AXDND1: variants seen among roughly 807,000 people sequenced by gnomAD.
AXDND1 encodes the protein axonemal dynein light chain domain containing 1.
AXDND1 carries 110 observed loss-of-function variants against 137.5 expected under a neutral mutation model. The observed-to-expected ratio is 0.80, with a 90% CI of 0.69 to 0.94. The LOEUF (loss-of-function observed/expected upper bound fraction) is 0.94, where lower values mean the gene tolerates loss of function less well. Ranked by LOEUF, AXDND1 falls within the 40% of genes least tolerant of loss-of-function variation. AXDND1 has a pLI of 0.00. For synonymous variants in AXDND1, 414 were observed against 399.7 expected (o/e 1.04, Z -0.43); for missense variants, 1,191 against 1,169.8 (o/e 1.02, Z -0.26).
At chr1:179,542,451 A>T (rs550605978) in intron 25 of AXDND1, among the ~76,000 whole-genome samples, 1 of 152,180 alleles carries the variant, frequency 6.6e-6, no homozygotes, top group African/African-American at 2.4e-5. Flanking sequence ...ACTCCTTTCA[A>T]CTCTGAACTG....
intron 16 of AXDND1, 39 bp from the exon 17 acceptor site, chr1:179,468,404 A>G: frequency 1.4e-6 from 2 of 1,415,082 alleles, no homozygotes. Context: ...GTAGTCTTAC[A>G]AATATTTCTA....
At chr1:179,391,052 C>A (rs1053897566) in intron 9 of AXDND1, among the ~76,000 whole-genome samples, 2 of 151,116 alleles carry the variant, frequency 1.3e-5, no homozygotes, top group Non-Finnish European at 2.9e-5. Context: ...GTGATCCACC[C>A]ACCTCGGGCC....
At chr1:179,435,930 ATCTATCC>A (rs1658084631) in intron 15 of AXDND1, among the ~76,000 whole-genome samples, 1 of 152,100 alleles carries the variant, frequency 6.6e-6, no homozygotes, top group Non-Finnish European at 1.5e-5. Flanking sequence ...AAGTTTTGCA[ATCTATCC>A]ATCTGACAGA....
chr1:179,387,892 T>G (rs975540694), intron 9 of AXDND1, among the ~76,000 whole-genome samples: 1 of 152,194 alleles, frequency 6.6e-6, no homozygotes, highest in Non-Finnish European at 1.5e-5. Flanking sequence ...TTTTCTCACA[T>G]TTATGCCCTG....
chr1:179,419,685 G>C lies in AXDND1; in HGVS notation c.1230+8419G>C, dbSNP rs375392306. Among the ~76,000 whole-genome samples the C allele has an allele frequency of 3.5e-3, 521 of 150,130 alleles. 4 individuals are homozygous for C. The highest frequency in any genetic ancestry group is 0.012 in the African/African-American group (486 of 40,856). ...GGGGAGGGAGACAGAGAGGGAGAGGGAGAGGGAGAGGGAGCATTTATTGCT... is the reference window on the plus strand; with the variant it reads ...GGGGAGGGAGACAGAGAGGGAGAGGCAGAGGGAGAGGGAGCATTTATTGCT... On this transcript the variant is annotated intron_variant, in intron 12 of 25. Coordinates refer to ENST00000367618, the MANE Select transcript of AXDND1 (RefSeq NM_144696.6).
At chr1:179,428,967 A>G (rs1656981809) in intron 12 of AXDND1, among the ~76,000 whole-genome samples, 1 of 152,056 alleles carries the variant, frequency 6.6e-6, no homozygotes, top group African/African-American at 2.4e-5. Context: ...TCACGAGGTC[A>G]GGAGATCGAG....
At chr1:179,368,754 TA>T (rs779071595) in intron 2 of AXDND1, 45 bp from the exon 3 acceptor site, 12 of 1,494,316 alleles carry the variant, frequency 8.0e-6, no homozygotes, top group African/African-American at 4.2e-5. Context: ...CCATCTAACT[TA>T]AAAAAATATA....
At chr1:179,378,403 A>G (rs1396501960) in intron 4 of AXDND1, among the ~76,000 whole-genome samples, 1 of 152,146 alleles carries the variant, frequency 6.6e-6, no homozygotes, top group African/African-American at 2.4e-5. Context: ...CTCATACTGA[A>G]GGAAAGGAAA....
chr1:179,459,427 T>A (rs1251707320), intron 16 of AXDND1, among the ~76,000 whole-genome samples: 2 of 152,164 alleles, frequency 1.3e-5, no homozygotes, highest in African/African-American at 4.8e-5. Flanking sequence ...TCAAAATAAA[T>A]GCTCATGAAA....
intron 25 of AXDND1, among the ~76,000 whole-genome samples, chr1:179,541,038 G>A (rs1378926884): frequency 6.6e-6 from 1 of 152,212 alleles, no homozygotes; most frequent in Non-Finnish European, 1.5e-5. Flanking sequence ...CCAAGCTCCA[G>A]CATCCCAGTT....
intron 11 of AXDND1, among the ~76,000 whole-genome samples, chr1:179,407,618 C>G (rs757961280): frequency 6.6e-6 from 1 of 152,038 alleles, no homozygotes; most frequent in Non-Finnish European, 1.5e-5. Context: ...TGTGGATTCC[C>G]TTATGTGTAA....
At chr1:179,510,196 C>T (rs1472261439) in intron 21 of AXDND1, among the ~76,000 whole-genome samples, 2 of 152,090 alleles carry the variant, frequency 1.3e-5, no homozygotes, top group African/African-American at 4.8e-5. Context: ...TACACACTAC[C>T]TATTACTGTG....
chr1:179,380,726 T>C (rs1415777379), intron 6 of AXDND1, among the ~76,000 whole-genome samples: 2 of 152,204 alleles, frequency 1.3e-5, no homozygotes, highest in African/African-American at 4.8e-5. Flanking sequence ...TTCATTGTGA[T>C]GGTATGTTTC....
intron 25 of AXDND1, among the ~76,000 whole-genome samples, chr1:179,552,986 C>T (rs753613035): frequency 6.6e-5 from 10 of 152,108 alleles, no homozygotes; most frequent in Non-Finnish European, 1.3e-4. Flanking sequence ...ATCTAAGCCC[C>T]AACTAATAAA....
chr1:179,377,498 A>G (rs1447542465), intron 4 of AXDND1, among the ~76,000 whole-genome samples: 2 of 152,174 alleles, frequency 1.3e-5, no homozygotes, highest in African/African-American at 4.8e-5. Context: ...TAAAAGAGTC[A>G]ATGACTCAAG....
chr1:179,529,050 A>G (rs1048283522), intron 23 of AXDND1, among the ~76,000 whole-genome samples: 2 of 152,248 alleles, frequency 1.3e-5, no homozygotes, highest in African/African-American at 4.8e-5. Context: ...GGAAACTGGG[A>G]ACTTAGAGAC....
chr1:179,451,725 C>T (rs1312516930), intron 16 of AXDND1: 1 of 152,422 alleles, frequency 6.6e-6, no homozygotes, highest in Non-Finnish European at 1.5e-5. Context: ...GTAGAGTTTC[C>T]CTGCACAAGC....
intron 11 of AXDND1, among the ~76,000 whole-genome samples, chr1:179,396,556 G>A (rs562830284): frequency 1.3e-5 from 2 of 151,876 alleles, no homozygotes; most frequent in South Asian, 4.2e-4. Flanking sequence ...GCTGAGGCAG[G>A]AGAATTGCTT....
chr1:179,549,660 C>G (rs11801024), intron 25 of AXDND1, among the ~76,000 whole-genome samples: 7,103 of 152,116 alleles, frequency 0.047, 259 homozygotes, highest in Non-Finnish European at 0.07. Flanking sequence ...TTACACATGC[C>G]AAAATTTGCT....
Sources: allele counts gnomAD v4.1 joint callset (sites outside exome capture counted in the v4.1 genomes callset), GRCh38; gene constraint gnomAD v4.1.1; transcripts MANE v1.5; gene names NCBI Gene and HGNC (gene_info 2026-07-23, HGNC 2026-07-21).